The following TMEM181 variants were observed in gnomAD, a reference collection of about 807,000 sequenced individuals.
The protein encoded by TMEM181 is G protein-coupled receptor 178.
In TMEM181, 39 loss-of-function variants were observed where a neutral mutation model predicts 71.9. The observed-to-expected ratio is 0.54, with a 90% CI of 0.42 to 0.71. TMEM181 has a LOEUF of 0.71. Among genes scored for constraint, TMEM181 ranks in the 30% least tolerant of loss-of-function variants. TMEM181 has a pLI of 0.00. For synonymous variants in TMEM181, 245 were observed against 228.8 expected, an observed-to-expected ratio of 1.07 and a Z score of -0.64; for missense variants, 595 against 583.0, an observed-to-expected ratio of 1.02 and a Z score of -0.21.
chr6:158,603,965 T>C (rs1437285854), intron 6 of TMEM181, among the ~76,000 whole-genome samples: 1 of 152,260 alleles, frequency 6.6e-6, no homozygotes, highest in Non-Finnish European at 1.5e-5. Flanking sequence ...CTTTTCAACA[T>C]TGCTAGGTGG....
At position 158,544,568 on chromosome 6, in the gene TMEM181, C is replaced by A. The variant is rs112076489; in HGVS notation, c.131+7703C>A. 7.7e-3 allele frequency among the ~76,000 whole-genome samples: 1,178 copies of A among 152,300 alleles called. 18 individuals carry two copies. Among genetic ancestry groups the A allele is most frequent in the African/African-American group, 0.027 (1,104 of 41,554 alleles). ...GCAGAAAGGGACGGGGCGCTCATTT[C>A]CCCAATTTCTTCAGCCTCAGTGGCA... is the stretch of plus-strand genomic sequence containing the variant. On this transcript the variant is annotated intron_variant, in intron 1 of 16. Transcript: ENST00000367090.
At chr6:158,593,460 A>G (rs964060269) in intron 6 of TMEM181, among the ~76,000 whole-genome samples, 4 of 152,246 alleles carry the variant, frequency 2.6e-5, no homozygotes, top group African/African-American at 7.2e-5. Flanking sequence ...AAACAAAACA[A>G]AAACTCCTGA....
chr6:158,594,714 G>A (rs1784299697), intron 6 of TMEM181, among the ~76,000 whole-genome samples: 2 of 152,112 alleles, frequency 1.3e-5, no homozygotes. Context: ...TTGAAATGGA[G>A]TTTCATTCTT....
chr6:158,621,644 C>T (rs1311224333), intron 10 of TMEM181: 2 of 153,854 alleles, frequency 1.3e-5, no homozygotes, highest in African/African-American at 4.8e-5. Flanking sequence ...CATGGACCCC[C>T]TTCCCTCTTC....
chr6:158,541,916 T>C (rs1389302353), intron 1 of TMEM181, among the ~76,000 whole-genome samples: 1 of 145,016 alleles, frequency 6.9e-6, no homozygotes, highest in Non-Finnish European at 1.5e-5. Flanking sequence ...TTTTTTTTTT[T>C]TTTTTTGAGA....
rs1471489643 is a variant in TMEM181, at chr6:158,560,131, C to T, written c.-94C>T. ...GGCCGCTGCTCAGCCGCTGTCGCTC[C>T]GGCTCCGGCTGCGGCTGCCGCTGCC... is the stretch of plus-strand genomic sequence containing the variant. On this transcript the variant is annotated 5_prime_UTR_variant, in exon 1 of 17. Transcript: ENST00000684151. 1.9e-5 allele frequency: 19 copies of T among 984,868 alleles called. No individual in the cohort carries two copies. The highest frequency in any genetic ancestry group is 1.1e-4 in the East Asian group (1 of 8,780). The allele number at this position is 984,868 out of a possible 1,614,324, so 61.0% of individuals were successfully genotyped here.
Position 158,589,712 on chromosome 6 carries a change from A to T in TMEM181, c.422A>T (p.Asn141Ile). 1 of 1,614,114 alleles carries T rather than the reference A, an allele frequency of 6.2e-7. No individual in the cohort carries two copies. The highest frequency in any genetic ancestry group is 8.5e-7 in the Non-Finnish European group (1 of 1,180,034). The change falls in exon 6 of 17, where the codon AAC becomes ATC. Residue 141 changes from asparagine (N) to isoleucine (I), a missense_variant. Physicochemically the swap from Asn to Ile is moderately radical, Grantham distance 149 (BLOSUM62 -3). Transcript: ENST00000684151. ...ATTGTGGCTCACCTTGGCTACCTGA[A>T]CTACACTCAGTATACAGTGATAGTG... The part of the protein sequence containing the change: ...EIIVAHLGYL[N>I]YTQYTVIVGF...
intron 1 of TMEM181, among the ~76,000 whole-genome samples, chr6:158,568,844 C>T (rs1562625068): frequency 1.3e-5 from 2 of 152,226 alleles, no homozygotes; most frequent in African/African-American, 2.4e-5. Context: ...CACCTCCCCT[C>T]TCCCATCTTT....
Position 158,631,876 on chromosome 6 carries a change from A to G in TMEM181, c.1416A>G (p.Ser472=). 1.3e-6 allele frequency: 2 copies of G among 1,593,132 alleles called. No individual in the cohort carries two copies. The highest frequency in any genetic ancestry group is 1.1e-5 in the South Asian group (1 of 87,636). The change falls in exon 17 of 17, where the codon TCA becomes TCG. Residue 472 remains serine (S), a synonymous_variant. Transcript: ENST00000684151. ...QAIRAKYKEE[S]DSD Reference sequence around the variant, plus strand: ...TCCGGGCCAAGTACAAGGAGGAGTCAGATAGTGACTGAGCCCCGGCCAGCC... The same window carrying G: ...TCCGGGCCAAGTACAAGGAGGAGTCGGATAGTGACTGAGCCCCGGCCAGCC...
At chr6:158,584,248 G>A (rs531346271) in intron 4 of TMEM181, among the ~76,000 whole-genome samples, 36 of 152,326 alleles carry the variant, frequency 2.4e-4, no homozygotes, top group African/African-American at 7.5e-4. Context: ...GACGTCCTCC[G>A]TGGAGTCCTG....
chr6:158,583,582 C>G (rs1783595683), intron 3 of TMEM181, among the ~76,000 whole-genome samples: 1 of 152,162 alleles, frequency 6.6e-6, no homozygotes, highest in South Asian at 2.1e-4. Flanking sequence ...GGGCGGATCA[C>G]CAGGTCAGGA....
At chr6:158,595,592 T>C (rs9355669) in intron 6 of TMEM181, among the ~76,000 whole-genome samples, 55,766 of 152,134 alleles carry the variant, frequency 0.37, 11,383 homozygotes, top group East Asian at 0.75. Context: ...GAATACTATA[T>C]AGCGAGGAGA....
chr6:158,616,962 G>A (rs1023162276), intron 10 of TMEM181, among the ~76,000 whole-genome samples: 2 of 152,076 alleles, frequency 1.3e-5, no homozygotes, highest in African/African-American at 4.8e-5. Context: ...TTGTGTCTCT[G>A]GCCAGGCTTT....
chr6:158,540,782 TGAGA>T (rs1409206721), intron 1 of TMEM181, among the ~76,000 whole-genome samples: 1 of 152,062 alleles, frequency 6.6e-6, no homozygotes, highest in Non-Finnish European at 1.5e-5. Context: ...TTCTTTTTTT[TGAGA>T]GAGAGAGTCT....
chr6:158,537,162 C>T (rs1582903806), intron 1 of TMEM181, among the ~76,000 whole-genome samples: 2 of 152,044 alleles, frequency 1.3e-5, no homozygotes, highest in African/African-American at 2.4e-5. Context: ...GCTCCCGCCT[C>T]CCCGGAAAGG....
intron 1 of TMEM181, among the ~76,000 whole-genome samples, chr6:158,571,376 G>C (rs7740671): frequency 7.9e-6 from 1 of 126,700 alleles, no homozygotes; most frequent in African/African-American, 3.1e-5. Flanking sequence ...GATTATAGGC[G>C]TGATCTGCCC....
In TMEM181 at chr6:158,552,383, G is replaced by A. The variant is rs531252849; in HGVS notation, c.131+15518G>A. ...TCAGAAGCAGGAAGAATGTGTTCAA[G>A]ATTTTGAGTATACACTATATCACAG... On this transcript the variant is annotated intron_variant, in intron 1 of 16. Transcript: ENST00000367090. 3.7e-4 allele frequency among the ~76,000 whole-genome samples: 56 copies of A among 152,298 alleles called. No individual in the cohort carries two copies. In the South Asian group the frequency reaches 9.7e-3, roughly 26 times the overall value.
At chr6:158,622,477 G>A (rs1050368365) in intron 10 of TMEM181, among the ~76,000 whole-genome samples, 2 of 152,160 alleles carry the variant, frequency 1.3e-5, no homozygotes, top group African/African-American at 4.8e-5. Context: ...GCCGACTGAC[G>A]GGCGAGCCAC....
intron 2 of TMEM181, among the ~76,000 whole-genome samples, chr6:158,574,624 G>A (rs962594677): frequency 6.6e-6 from 1 of 152,112 alleles, no homozygotes; most frequent in South Asian, 2.1e-4. Flanking sequence ...TGTGCACCAA[G>A]GCTGAGATAC....
Sources: gnomAD v4.1 joint callset for allele counts (sites outside exome capture counted in the v4.1 genomes callset) on GRCh38, gnomAD v4.1.1 for gene constraint, MANE v1.5 for transcripts, NCBI Gene and HGNC (gene_info 2026-07-23, HGNC 2026-07-21) for gene names.